The following SH3GL1 variants were observed in gnomAD, a reference collection of about 807,000 sequenced individuals.
SH3GL1 encodes the protein endophilin-A2.
Under a neutral mutation model 48.8 loss-of-function variants are expected in SH3GL1, and 21 were observed. The observed-to-expected ratio is 0.43, with a 90% CI of 0.30 to 0.62. The LOEUF (loss-of-function observed/expected upper bound fraction) is 0.62. Ranked by LOEUF, SH3GL1 falls within the 20% of genes least tolerant of loss-of-function variation. SH3GL1 has a pLI of 0.11. For synonymous variants in SH3GL1, 282 were observed against 217.5 expected (o/e 1.30, Z -2.61); for missense variants, 454 against 503.0 (o/e 0.90, Z 0.93).
At chr19:4,362,429 G>C (rs184880962) in intron 8 of SH3GL1, 44 bp from the exon 9 acceptor site, 1 of 1,591,962 alleles carries the variant, frequency 6.3e-7, no homozygotes, top group African/African-American at 1.3e-5. Flanking sequence ...CAAAACGGTC[G>C]GGCAGGGCCC....
chr19:4,400,275 CG>C lies in SH3GL1; in HGVS notation c.45+48del. On this transcript the variant is annotated intron_variant, in intron 1 of 9. Coordinates refer to ENST00000269886, the MANE Select transcript of SH3GL1 (RefSeq NM_003025.4). This position sits in a 1 kb window ranked among gnomAD's most constrained non-coding sequence, Gnocchi z 4.1. Reference sequence around the variant, plus strand: ...CCAGGTCGGGCCTGGCTCCCTCATCCGGGCAGCCCGGGGCCCGGTACTCGGC... The same window carrying C: ...CCAGGTCGGGCCTGGCTCCCTCATCCGGCAGCCCGGGGCCCGGTACTCGGC... The C allele has an allele frequency of 6.3e-7, 1 of 1,575,028 alleles. No homozygotes were observed.
intron 2 of SH3GL1, 115 bp downstream of exon 2, chr19:4,366,811 C>T (rs1343619903): frequency 2.6e-5 from 28 of 1,086,494 alleles, no homozygotes; most frequent in East Asian, 7.1e-5. Flanking sequence ...CCACACCTGC[C>T]GGGCCCCATC....
At chr19:4,364,291 T>C in intron 4 of SH3GL1, 70 bp from the exon 5 acceptor site, 6 of 1,592,860 alleles carry the variant, frequency 3.8e-6, no homozygotes, top group Non-Finnish European at 5.2e-6. Context: ...CTCCTCAGCC[T>C]TTGTTTTTGA....
chr19:4,362,233 C>T, intron 9 of SH3GL1, 96 bp downstream of exon 9: 1 of 1,294,044 alleles, frequency 7.7e-7, no homozygotes, highest in South Asian at 1.3e-5. Context: ...CCCCTCCCTG[C>T]TTGAGATGGG....
At chr19:4,369,995 G>A (rs868470806) in intron 1 of SH3GL1, among the ~76,000 whole-genome samples, 14 of 152,168 alleles carry the variant, frequency 9.2e-5, no homozygotes, top group Middle Eastern at 3.4e-3. Context: ...CCAAGCGTGG[G>A]CTCCTGCCCG....
At chr19:4,378,176 CAAAT>C (rs952936370) in intron 1 of SH3GL1, among the ~76,000 whole-genome samples, 1 of 152,192 alleles carries the variant, frequency 6.6e-6, no homozygotes, top group Non-Finnish European at 1.5e-5. Context: ...GTTGAGATAA[CAAAT>C]AAATAAGAAG....
At chr19:4,383,886 T>C (rs544197102) in intron 1 of SH3GL1, among the ~76,000 whole-genome samples, 1 of 152,254 alleles carries the variant, frequency 6.6e-6, no homozygotes, top group African/African-American at 2.4e-5. Context: ...AACACAGCGT[T>C]GAGAGCTAGG....
intron 1 of SH3GL1, among the ~76,000 whole-genome samples, chr19:4,384,192 G>A (rs139625927): frequency 2.0e-4 from 31 of 152,306 alleles, no homozygotes; most frequent in African/African-American, 7.2e-4. Flanking sequence ...TTACATCCGT[G>A]AGGAGGATGC....
chr19:4,371,836 G>A (rs1258001410), intron 1 of SH3GL1, among the ~76,000 whole-genome samples: 6 of 152,218 alleles, frequency 3.9e-5, no homozygotes, highest in Admixed American at 1.3e-4. Flanking sequence ...AGCCATCTCC[G>A]CGTCCCTCCC....
Position 4,400,285 on chromosome 19 carries a change from G to A in SH3GL1, c.45+39C>T, listed in dbSNP as rs1308449483. Reference sequence around the variant, plus strand: ...CCTGGCTCCCTCATCCGGGCAGCCCGGGGCCCGGTACTCGGCTCCCGCCTG... The same window carrying A: ...CCTGGCTCCCTCATCCGGGCAGCCCAGGGCCCGGTACTCGGCTCCCGCCTG... On this transcript the variant is annotated intron_variant, in intron 1 of 9. Coordinates refer to ENST00000269886, the MANE Select transcript of SH3GL1 (RefSeq NM_003025.4). This position sits in a 1 kb window ranked among gnomAD's most constrained non-coding sequence, Gnocchi z 4.1. The A allele has an allele frequency of 6.3e-7, 1 of 1,582,814 alleles. No homozygotes were observed. Among genetic ancestry groups the A allele is most frequent in the African/African-American group, 1.4e-5 (1 of 71,746 alleles).
At position 4,400,187 on chromosome 19, in the gene SH3GL1, T is replaced by C; in HGVS notation, c.45+137A>G. ...CGTCGCCCCCGTCCGTCCCTTGGTCTTCCCACCTGGCAGGGGACACGCGCC... is the reference window on the plus strand; with the variant it reads ...CGTCGCCCCCGTCCGTCCCTTGGTCCTCCCACCTGGCAGGGGACACGCGCC... On this transcript the variant is annotated intron_variant, in intron 1 of 9. Coordinates refer to ENST00000269886, the MANE Select transcript of SH3GL1 (RefSeq NM_003025.4). The surrounding 1 kb of genome is among the most constrained non-coding windows in gnomAD (Gnocchi z 4.1). 1 of 943,050 alleles carries C rather than the reference T, an allele frequency of 1.1e-6. No homozygotes were observed. The allele number at this position is 943,050 out of a possible 1,614,324, so 58.4% of individuals were successfully genotyped here.
At position 4,361,277 on chromosome 19, in the gene SH3GL1, T is replaced by C; in HGVS notation, c.*323A>G. 1 of 419,534 alleles carries C rather than the reference T, an allele frequency of 2.4e-6. No homozygotes were observed. The highest frequency in any genetic ancestry group is 3.1e-5 in the South Asian group (1 of 32,106). 26.0% of individuals were successfully genotyped at this position (419,534 alleles called of 1,614,324 possible). On this transcript the variant is annotated 3_prime_UTR_variant, in exon 10 of 10. Transcript: ENST00000269886. ...TGCCCCAGAGGAACATTAGTGTTTC[T>C]AAGAGCACCTTAGTGTTGCCCCGCC...
chr19:4,372,732 G>A (rs536717566), intron 1 of SH3GL1, among the ~76,000 whole-genome samples: 9 of 152,282 alleles, frequency 5.9e-5, no homozygotes, highest in Admixed American at 2.6e-4. Context: ...TCAAAAAGTC[G>A]AAGACGCGCA....
intron 1 of SH3GL1, among the ~76,000 whole-genome samples, chr19:4,386,122 C>T (rs570314959): frequency 6.6e-6 from 1 of 152,328 alleles, no homozygotes; most frequent in Non-Finnish European, 1.5e-5. Context: ...CTGCCCTCTT[C>T]TGAGCCACAA....
At chr19:4,372,960 G>A (rs1018390284) in intron 1 of SH3GL1, among the ~76,000 whole-genome samples, 2 of 152,246 alleles carry the variant, frequency 1.3e-5, no homozygotes, top group African/African-American at 4.8e-5. Context: ...GCTGGCTGCA[G>A]GCAGCTCTGA....
In SH3GL1 at chr19:4,361,724, T is replaced by C. The variant is rs1324569950; in HGVS notation, c.983A>G (p.His328Arg). The change falls in exon 10 of 10, where the codon CAT becomes CGT. Residue 328 changes from histidine (H) to arginine (R), a missense_variant. Physicochemically the swap from His to Arg is conservative, Grantham distance 29. Around this residue, in one of 2 missense-constraint regions of SH3GL1, gnomAD observed 278 missense variants for 246.8 expected, o/e 1.13. Transcript: ENST00000269886. Reference sequence around the variant, plus strand: ...GGTCAGCGTGATGACGTCGCCCTCATGGAAGCCCAGCTCCCCGTCGTTCTC... The same window carrying C: ...GGTCAGCGTGATGACGTCGCCCTCACGGAAGCCCAGCTCCCCGTCGTTCTC... ...EPENDGELGF[H>R]EGDVITLTNQ... 1.9e-6 allele frequency: 3 copies of C among 1,613,276 alleles called. No individual in the cohort carries two copies. The highest frequency in any genetic ancestry group is 2.2e-5 in the East Asian group (1 of 44,864).
At position 4,400,509 on chromosome 19, in the gene SH3GL1, C is replaced by A. The variant is rs1973505767; in HGVS notation, c.-141G>T. On this transcript the variant is annotated 5_prime_UTR_variant, in exon 1 of 10. Transcript: ENST00000269886. The surrounding 1 kb of genome is among the most constrained non-coding windows in gnomAD (Gnocchi z 4.1). ...TGCCAGCTCCGCGCCCGCCCCGGCGCCGCCTCAGCCGCTCGCGCGCCCGCG... is the reference window on the plus strand; with the variant it reads ...TGCCAGCTCCGCGCCCGCCCCGGCGACGCCTCAGCCGCTCGCGCGCCCGCG... 1.7e-6 allele frequency: 1 copy of A among 580,264 alleles called. No individual in the cohort carries two copies. Among genetic ancestry groups the A allele is most frequent in the Non-Finnish European group, 2.2e-6 (1 of 452,958 alleles). 35.9% of individuals were successfully genotyped at this position (580,264 alleles called of 1,614,324 possible). A position where few individuals can be genotyped will look rare whatever the true frequency, so the allele number is the denominator to read the frequency against.
chr19:4,375,275 T>C (rs1259988480), intron 1 of SH3GL1, among the ~76,000 whole-genome samples: 1 of 152,050 alleles, frequency 6.6e-6, no homozygotes, highest in Non-Finnish European at 1.5e-5. Context: ...ATGTCTCCAC[T>C]TGATAAACAG....
intron 1 of SH3GL1, among the ~76,000 whole-genome samples, chr19:4,391,073 T>C (rs920850941): frequency 1.3e-5 from 2 of 152,030 alleles, no homozygotes; most frequent in African/African-American, 4.8e-5. Flanking sequence ...CACAGGCAGG[T>C]CTGAGCGGGA....
Sources: gnomAD v4.1 joint callset for allele counts (sites outside exome capture counted in the v4.1 genomes callset) on GRCh38, gnomAD v4.1.1 for gene constraint, gnomAD v4.1.1 regional missense constraint, Gnocchi (gnomAD v3.1) non-coding constraint, MANE v1.5 for transcripts, NCBI Gene and HGNC (gene_info 2026-07-23, HGNC 2026-07-21) for gene names.